HDAC11: variants seen among roughly 807,000 people sequenced by gnomAD.
HDAC11 encodes histone deacetylase 11.
Under a neutral mutation model 41.1 loss-of-function variants are expected in HDAC11, and 23 were observed. The observed-to-expected ratio is 0.56, with a 90% CI of 0.40 to 0.79. The LOEUF (loss-of-function observed/expected upper bound fraction) is 0.79, where lower values mean the gene tolerates loss of function less well. Ranked by LOEUF, HDAC11 falls within the 30% of genes least tolerant of loss-of-function variation. The pLI is 0.00. For synonymous variants in HDAC11, 187 were observed against 186.6 expected, an observed-to-expected ratio of 1.00 and a Z score of -0.02; for missense variants, 402 against 477.3, an observed-to-expected ratio of 0.84 and a Z score of 1.47.
At position 13,495,877 on chromosome 3, in the gene HDAC11, C is replaced by T. The variant is rs376730776; in HGVS notation, c.253-859C>T. Among the ~76,000 whole-genome samples, 31 of 152,362 alleles carry T rather than the reference C, an allele frequency of 2.0e-4. No homozygotes were observed. In the South Asian group the frequency reaches 6.2e-3, roughly 31 times the overall value. On this transcript the variant is annotated intron_variant, in intron 3 of 9. Coordinates refer to ENST00000295757, the MANE Select transcript of HDAC11 (RefSeq NM_024827.4). ...TCTCTAATAACCCCCACCCAGTTCT[C>T]CTCTTCATCACCACACTCATCACAC...
chr3:13,506,032 A>ATGCT lies in HDAC11; in HGVS notation c.*1350_*1353dup, dbSNP rs1461696153. 4 of 152,230 alleles carry ATGCT rather than the reference A, an allele frequency of 2.6e-5. No individual in the cohort carries two copies. Among genetic ancestry groups the ATGCT allele is most frequent in the Non-Finnish European group, 5.9e-5 (4 of 68,080 alleles). 9.4% of individuals were successfully genotyped at this position (152,230 alleles called of 1,614,324 possible). A position where few individuals can be genotyped will look rare whatever the true frequency, so the allele number is the denominator to read the frequency against. ...CTCCCACTGTCTCCCGGCCTCCCTA[A>ATGCT]TGCTCCCTCTGCTGCAGGGAGAAGG... On this transcript the variant is annotated 3_prime_UTR_variant, in exon 10 of 10. Transcript: ENST00000295757.
rs751982564 is a variant in HDAC11 at position 13,496,719 on chromosome 3, CCT to C, written c.253-16_253-15del. On this transcript the variant is annotated splice_polypyrimidine_tract_variant and intron_variant, in intron 3 of 9. Transcript: ENST00000295757. ...GGTGGGGAAGCGGAGGCCAACAGCC[CCT>C]GTCTTTTTCCGCAGTGGTCCTTTGC... 17 of 1,551,282 alleles carry C rather than the reference CCT, an allele frequency of 1.1e-5. No homozygotes were observed. The highest frequency in any genetic ancestry group is 7.1e-5 in the East Asian group (3 of 42,472).
chr3:13,498,911 T>C (rs1022976738), intron 5 of HDAC11, among the ~76,000 whole-genome samples: 1 of 152,076 alleles, frequency 6.6e-6, no homozygotes, highest in Non-Finnish European at 1.5e-5. Flanking sequence ...GCCTGCCTTG[T>C]GTCTTCCCTG....
chr3:13,498,657 T>G, intron 5 of HDAC11, 102 bp downstream of exon 5: 1 of 1,273,360 alleles, frequency 7.9e-7, no homozygotes, highest in Non-Finnish European at 1.1e-6. Context: ...GTGGCAGCTG[T>G]GAATTCAGAA....
chr3:13,500,226 A>G (rs1358416970), intron 5 of HDAC11, among the ~76,000 whole-genome samples: 3 of 151,998 alleles, frequency 2.0e-5, no homozygotes, highest in Non-Finnish European at 4.4e-5. Context: ...TATGGGCCCT[A>G]GGGCTCTGAG....
In HDAC11 at chr3:13,480,607, G is replaced by A; in HGVS notation, c.2+258G>A. Reference sequence around the variant, plus strand: ...CGGACCCGGAGCGGTCGGGCGATGTGCGCGGGTCTGACGTCTGCGCTGCCC... The same window carrying A: ...CGGACCCGGAGCGGTCGGGCGATGTACGCGGGTCTGACGTCTGCGCTGCCC... On this transcript the variant is annotated intron_variant, in intron 1 of 9. Transcript: ENST00000295757. The surrounding 1 kb of genome is among the most constrained non-coding windows in gnomAD (Gnocchi z 4.6). The A allele has an allele frequency of 3.3e-6, 1 of 301,702 alleles. No individual in the cohort carries two copies. The highest frequency in any genetic ancestry group is 6.7e-5 in the East Asian group (1 of 14,838). The allele number at this position is 301,702 out of a possible 1,614,324, so 18.7% of individuals were successfully genotyped here.
rs142774205 is a variant in HDAC11 at position 13,494,785 on chromosome 3, C to A, written c.253-1951C>A. ...GGCATTCCCCAGCAGTGTGGGCAGG[C>A]TGGGTGCCTGGCACCCCCAGGACTA... On this transcript the variant is annotated intron_variant, in intron 3 of 9. Coordinates refer to ENST00000295757, the MANE Select transcript of HDAC11 (RefSeq NM_024827.4). 3.6e-3 allele frequency among the ~76,000 whole-genome samples: 541 copies of A among 152,314 alleles called. 3 individuals carry two copies. Among genetic ancestry groups the A allele is most frequent in the South Asian group, 0.018 (86 of 4,832 alleles).
Position 13,505,417 on chromosome 3 carries a change from C to T in HDAC11, c.*734C>T, listed in dbSNP as rs1283082214. The T allele has an allele frequency of 1.9e-4, 29 of 153,742 alleles. No individual in the cohort carries two copies. The highest frequency in any genetic ancestry group is 1.8e-3 in the Admixed American group (28 of 15,448). 9.5% of individuals were successfully genotyped at this position (153,742 alleles called of 1,614,324 possible). A position where few individuals can be genotyped will look rare whatever the true frequency, so the allele number is the denominator to read the frequency against. ...TGCCTTAGCAGTAGTCTTGCCTGTT[C>T]AGTGCAAGGGGCAGGTTTTGGGGGG... On this transcript the variant is annotated 3_prime_UTR_variant, in exon 10 of 10. Transcript: ENST00000295757.
At chr3:13,486,703 A>G (rs959487773) in intron 3 of HDAC11, among the ~76,000 whole-genome samples, 15 of 149,450 alleles carry the variant, frequency 1.0e-4, no homozygotes, top group Non-Finnish European at 1.9e-4. Flanking sequence ...TCAGCCTCCC[A>G]AGTAGCTAGG....
At chr3:13,501,584 C>T (rs1003714701) in intron 6 of HDAC11, 1 of 655,822 alleles carries the variant, frequency 1.5e-6, no homozygotes, top group African/African-American at 1.8e-5. Flanking sequence ...CTGGGAAAAT[C>T]CAGGGCCTGA....
rs747863767 is a variant in HDAC11, at chr3:13,496,862, G to GT, written c.369+11dup. 5.0e-5 allele frequency: 74 copies of GT among 1,488,660 alleles called. No individual in the cohort carries two copies. The highest frequency in any genetic ancestry group is 2.8e-5 in the African/African-American group (2 of 70,398). The allele number at this position is 1,488,660 out of a possible 1,614,324, so 92.2% of individuals were successfully genotyped here. ...AGGAGGAACCATAATGGTAGGTGGG[G>GT]TGGGGGGGCATGGCTGGGCTGGGGG... On this transcript the variant is annotated intron_variant, in intron 4 of 9. Coordinates refer to ENST00000295757, the MANE Select transcript of HDAC11 (RefSeq NM_024827.4).
chr3:13,495,401 C>T (rs1702049952), intron 3 of HDAC11, among the ~76,000 whole-genome samples: 1 of 152,138 alleles, frequency 6.6e-6, no homozygotes, highest in African/African-American at 2.4e-5. Flanking sequence ...CCTAGTGCCG[C>T]CTCTGTACCC....
intron 4 of HDAC11, among the ~76,000 whole-genome samples, chr3:13,497,304 G>C (rs970370496): frequency 2.0e-5 from 3 of 152,004 alleles, no homozygotes; most frequent in East Asian, 3.9e-4. Context: ...TCAGGCTCCT[G>C]AGTAGCTGGG....
Position 13,496,786 on chromosome 3 carries a change from C to G in HDAC11, c.303C>G (p.Leu101=), listed in dbSNP as rs757047135. Residue 101 remains leucine, a synonymous_variant, in exon 4 of 10, where the codon CTC becomes CTG. Transcript: ENST00000295757. ...TITEIPPVIF[L]PNFLVQRKVL... ...CAGAAATCCCCCCCGTTATCTTCCTCCCCAACTTCCTTGTGCAGAGGAAGG... is the reference window on the plus strand; with the variant it reads ...CAGAAATCCCCCCCGTTATCTTCCTGCCCAACTTCCTTGTGCAGAGGAAGG... The G allele has an allele frequency of 6.2e-7, 1 of 1,609,716 alleles. No homozygotes were observed.
intron 6 of HDAC11, 110 bp downstream of exon 6, chr3:13,500,899 G>A (rs1702333762): frequency 1.2e-6 from 1 of 816,478 alleles, no homozygotes; most frequent in Non-Finnish European, 1.8e-6. Context: ...GGCCTATGCT[G>A]GAGCAGGGAG....
In HDAC11 at chr3:13,480,371, C is replaced by A. The variant is rs1000621539; in HGVS notation, c.2+22C>A. Reference sequence around the variant, plus strand: ...GGATGTGAGTGCCGCGGGGCGAGGGCGGGGGTGGGCTCCCAGGGGTCCCGG... The same window carrying A: ...GGATGTGAGTGCCGCGGGGCGAGGGAGGGGGTGGGCTCCCAGGGGTCCCGG... On this transcript the variant is annotated intron_variant, in intron 1 of 9. Transcript: ENST00000295757. This position sits in a 1 kb window ranked among gnomAD's most constrained non-coding sequence, Gnocchi z 4.6. 2.5e-6 allele frequency: 3 copies of A among 1,187,342 alleles called. No individual in the cohort carries two copies. Among genetic ancestry groups the A allele is most frequent in the Non-Finnish European group, 3.1e-6 (3 of 956,052 alleles). The allele number at this position is 1,187,342 out of a possible 1,614,324, so 73.6% of individuals were successfully genotyped here.
chr3:13,500,139 C>T (rs78181172), intron 5 of HDAC11, among the ~76,000 whole-genome samples: 8 of 152,008 alleles, frequency 5.3e-5, no homozygotes, highest in Middle Eastern at 3.2e-3. Flanking sequence ...CACTGTCTGA[C>T]GGAGCAGTTG....
chr3:13,483,605 G>C (rs1701425662), intron 3 of HDAC11, 41 bp downstream of exon 3: 1 of 1,506,588 alleles, frequency 6.6e-7, no homozygotes, highest in African/African-American at 1.4e-5. Context: ...GCCTGGGGCA[G>C]GGGGCTGCTG....
At chr3:13,497,975 C>T (rs1165431653) in intron 4 of HDAC11, among the ~76,000 whole-genome samples, 1 of 150,298 alleles carries the variant, frequency 6.7e-6, no homozygotes, top group Non-Finnish European at 1.5e-5. Context: ...CCTGCCTCAG[C>T]CTCCCGAGTA....
Sources: allele counts gnomAD v4.1 joint callset (sites outside exome capture counted in the v4.1 genomes callset), GRCh38; gene constraint gnomAD v4.1.1; non-coding constraint Gnocchi (gnomAD v3.1); transcripts MANE v1.5; gene names NCBI Gene and HGNC (gene_info 2026-07-23, HGNC 2026-07-21).